ARHGAP17: variants seen among roughly 807,000 people sequenced by gnomAD.
ARHGAP17 encodes the protein rho GTPase-activating protein 17.
In ARHGAP17, 57 loss-of-function variants were observed where a neutral mutation model predicts 99.5. That is an observed-to-expected ratio of 0.57 (90% CI 0.46 to 0.71). ARHGAP17 has a LOEUF of 0.71. Among genes scored for constraint, ARHGAP17 ranks in the 30% least tolerant of loss-of-function variants. The pLI, the probability that ARHGAP17 is intolerant of heterozygous loss-of-function variation, is 0.00. For missense variants in ARHGAP17, 1,000 were observed against 1,122.4 expected, an observed-to-expected ratio of 0.89 and a Z score of 1.56; for synonymous variants, 417 against 429.6, an observed-to-expected ratio of 0.97 and a Z score of 0.36.
chr16:25,010,370 C>T (rs1416428513), intron 1 of ARHGAP17, among the ~76,000 whole-genome samples: 2 of 152,098 alleles, frequency 1.3e-5, no homozygotes, highest in Non-Finnish European at 2.9e-5. Flanking sequence ...CACCCCACCC[C>T]ACCCAGCCAG....
intron 1 of ARHGAP17, among the ~76,000 whole-genome samples, chr16:25,004,753 A>G (rs562055179): frequency 6.6e-6 from 1 of 152,258 alleles, no homozygotes; most frequent in Non-Finnish European, 1.5e-5. Flanking sequence ...ACCAAAAGGT[A>G]TCTCTGATAA....
chr16:24,995,346 C>A (rs1416385153), intron 1 of ARHGAP17, among the ~76,000 whole-genome samples: 1 of 152,086 alleles, frequency 6.6e-6, no homozygotes, highest in East Asian at 1.9e-4. Flanking sequence ...CCTGGGATAT[C>A]AGAAAGATAT....
At chr16:24,987,012 AT>A (rs986260684) in intron 1 of ARHGAP17, among the ~76,000 whole-genome samples, 2 of 152,226 alleles carry the variant, frequency 1.3e-5, no homozygotes, top group African/African-American at 4.8e-5. Flanking sequence ...ACACTGAAGT[AT>A]TTTAATCACT....
chr16:24,950,419 A>T (rs1298751816), intron 12 of ARHGAP17, among the ~76,000 whole-genome samples: 3 of 152,192 alleles, frequency 2.0e-5, no homozygotes, highest in Non-Finnish European at 2.9e-5. Context: ...AAACATTAAT[A>T]CTGACAGCAG....
chr16:24,995,930 G>A (rs2053179556), intron 1 of ARHGAP17, among the ~76,000 whole-genome samples: 2 of 152,006 alleles, frequency 1.3e-5, no homozygotes, highest in African/African-American at 4.8e-5. Context: ...GCTTTGCTAT[G>A]TGGTCCAGGT....
At chr16:24,987,477 T>C (rs1007442232) in intron 1 of ARHGAP17, among the ~76,000 whole-genome samples, 1 of 152,142 alleles carries the variant, frequency 6.6e-6, no homozygotes. Flanking sequence ...AGAAGGGGGA[T>C]TTCTACGTTT....
In ARHGAP17 at chr16:24,925,565, A is replaced by T. The variant is rs563016310; in HGVS notation, c.2515+5219T>A. Reference sequence around the variant, plus strand: ...TTCTGTTCAAGTCTCACTGGATGTTATCTTGACACAATTCTGATTATCTAC... The same window carrying T: ...TTCTGTTCAAGTCTCACTGGATGTTTTCTTGACACAATTCTGATTATCTAC... On this transcript the variant is annotated intron_variant, in intron 19 of 19. Transcript: ENST00000289968. Among the ~76,000 whole-genome samples, 5 of 152,318 alleles carry T rather than the reference A, an allele frequency of 3.3e-5. No homozygotes were observed. In the South Asian group the frequency reaches 1.0e-3, roughly 32 times the overall value.
chr16:24,994,026 G>A (rs1190682882), intron 1 of ARHGAP17, among the ~76,000 whole-genome samples: 7 of 152,176 alleles, frequency 4.6e-5, no homozygotes. Context: ...CTGAAAATCT[G>A]AATAATGGTG....
At chr16:24,985,189 CA>C (rs1199944253) in intron 1 of ARHGAP17, among the ~76,000 whole-genome samples, 280 of 41,818 alleles carry the variant, frequency 6.7e-3, no homozygotes, top group African/African-American at 0.064. Context: ...AATGCAACCC[CA>C]CACACACACA....
At chr16:24,960,615 A>G (rs1157535267) in intron 7 of ARHGAP17, among the ~76,000 whole-genome samples, 1 of 151,750 alleles carries the variant, frequency 6.6e-6, no homozygotes, top group South Asian at 2.1e-4. Context: ...CAGGAGATTG[A>G]GACCATCCTG....
chr16:24,997,543 T>C (rs1367588131), intron 1 of ARHGAP17, among the ~76,000 whole-genome samples: 1 of 152,058 alleles, frequency 6.6e-6, no homozygotes, highest in Non-Finnish European at 1.5e-5. Context: ...TGCTGCCGGG[T>C]AGGGAAGCCA....
rs758133218 is a variant in ARHGAP17, at chr16:24,931,084, T to C, written c.2215A>G (p.Met739Val). ...AGTCCATGCTCACTGGGCAATGCCA[T>C]GGGGTTGGGAGGGCCCTGGCTATTG... ...KPNSQGPPNP[M>V]ALPSEHGLEQ... The change falls in exon 19 of 20, where the codon ATG (methionine) becomes GTG (valine). Residue 739 changes from methionine (M) to valine (V), a missense_variant. This residue lies in a region of ARHGAP17 where 528 missense variants were observed against 511.4 expected (regional missense o/e 1.03). Transcript: ENST00000289968. 15 of 1,605,068 alleles carry C rather than the reference T, an allele frequency of 9.3e-6. No individual in the cohort carries two copies. The Admixed American group carries it at 2.0e-4, about 22-fold the overall frequency.
At chr16:25,015,136 C>T (rs1241146267) in intron 1 of ARHGAP17, 73 bp downstream of exon 1, 10 of 1,191,092 alleles carry the variant, frequency 8.4e-6, no homozygotes, top group East Asian at 3.6e-5. Flanking sequence ...CGCGGAGGAG[C>T]CGTCCCGCCC....
chr16:24,939,386 C>T lies in ARHGAP17; in HGVS notation c.1702G>A (p.Gly568Arg). 1.9e-6 allele frequency: 3 copies of T among 1,608,552 alleles called. No individual in the cohort carries two copies. Among genetic ancestry groups the T allele is most frequent in the East Asian group, 4.5e-5 (2 of 44,862 alleles). The change falls in exon 17 of 20, where the codon GGG becomes AGG. Residue 568 changes from glycine to arginine, a missense_variant. Gly to Arg is a moderately radical substitution (Grantham distance 125). Coordinates refer to ENST00000289968, the MANE Select transcript of ARHGAP17 (RefSeq NM_001006634.3). Reference sequence around the variant, plus strand: ...TACCTGCCGTCGCCTGGGCTCGGCCCCTGCTCCAGTATGCCCGCGGAAGAG... The same window carrying T: ...TACCTGCCGTCGCCTGGGCTCGGCCTCTGCTCCAGTATGCCCGCGGAAGAG... ...VPSSAGILEQ[G>R]PSPGDGSPPK...
rs2052291149 is a variant in ARHGAP17 at position 24,969,354 on chromosome 16, T to C, written c.273-582A>G. On this transcript the variant is annotated intron_variant, in intron 4 of 19. Transcript: ENST00000289968. ...CCTTCCCCTCCACCCCTGCAAGCTC[T>C]CTATGGGGTTTTTTTGACACCAGAA... is the stretch of plus-strand genomic sequence containing the variant. Among the ~76,000 whole-genome samples, 4 of 152,082 alleles carry C rather than the reference T, an allele frequency of 2.6e-5. No individual in the cohort carries two copies. The South Asian group carries it at 8.3e-4, about 32-fold the overall frequency.
chr16:24,944,235 C>T (rs909540242), intron 14 of ARHGAP17, among the ~76,000 whole-genome samples: 15 of 149,410 alleles, frequency 1.0e-4, no homozygotes, highest in African/African-American at 3.7e-4. Flanking sequence ...CAGGCCACTG[C>T]ACTCCAGCCT....
intron 19 of ARHGAP17, chr16:24,927,714 A>T: frequency 8.2e-7 from 1 of 1,226,020 alleles, no homozygotes; most frequent in African/African-American, 1.6e-5. Context: ...GTTCTTACTG[A>T]ATATGGCAGG....
Position 24,929,575 on chromosome 16 carries a change from G to A in ARHGAP17, c.2515+1209C>T, listed in dbSNP as rs1042783878. 3 of 986,774 alleles carry A rather than the reference G, an allele frequency of 3.0e-6. No individual in the cohort carries two copies. The African/African-American group carries it at 5.2e-5, about 17-fold the overall frequency. The allele number at this position is 986,774 out of a possible 1,614,324, so 61.1% of individuals were successfully genotyped here. Reference sequence around the variant, plus strand: ...AAGCAGGAGCATTTGGAGCTGTGGGGCGAGCTATGGGGCAAGCTGCTCGGG... The same window carrying A: ...AAGCAGGAGCATTTGGAGCTGTGGGACGAGCTATGGGGCAAGCTGCTCGGG... On this transcript the variant is annotated intron_variant, in intron 19 of 19. Coordinates refer to ENST00000289968, the MANE Select transcript of ARHGAP17 (RefSeq NM_001006634.3).
chr16:24,951,324 AT>A (rs1455103755), intron 12 of ARHGAP17, among the ~76,000 whole-genome samples: 1 of 152,214 alleles, frequency 6.6e-6, no homozygotes, highest in Non-Finnish European at 1.5e-5. Context: ...TCTCTGTAAA[AT>A]GTGGATCACA....
Sources: allele counts gnomAD v4.1 joint callset (sites outside exome capture counted in the v4.1 genomes callset), GRCh38; gene constraint gnomAD v4.1.1; regional missense constraint gnomAD v4.1.1; transcripts MANE v1.5; gene names NCBI Gene and HGNC (gene_info 2026-07-23, HGNC 2026-07-21).